Variants in ITPK1 observed in about 807,000 individuals in gnomAD.
ITPK1 encodes the protein inositol-tetrakisphosphate 1-kinase.
Under a neutral mutation model 45.3 loss-of-function variants are expected in ITPK1, and 21 were observed. The ratio of observed to expected loss-of-function variants is 0.46; its 90% CI spans 0.33 to 0.67. The LOEUF is 0.67. ITPK1 is among the 30% of genes least tolerant of loss of function. The probability of loss-of-function intolerance (pLI) is 0.02; values close to 1 mark genes in which losing one functional copy is unlikely to be tolerated. For synonymous variants in ITPK1, 258 were observed against 253.6 expected (o/e 1.02, Z -0.16); for missense variants, 474 against 573.5 (o/e 0.83, Z 1.77).
intron 3 of ITPK1, among the ~76,000 whole-genome samples, chr14:93,021,604 GAAAAGA>G (rs1220856078): frequency 7.5e-6 from 1 of 133,308 alleles, no homozygotes; most frequent in Admixed American, 7.6e-5. Flanking sequence ...AAAAAAAAAA[GAAAAGA>G]AAAAGAAAAA....
At position 92,938,403 on chromosome 14, in the gene ITPK1, C is replaced by T; in HGVS notation, c.*3158G>A. 1 of 1,094,570 alleles carries T rather than the reference C, an allele frequency of 9.1e-7. No individual in the cohort carries two copies. Among genetic ancestry groups the T allele is most frequent in the Non-Finnish European group, 1.4e-6 (1 of 708,566 alleles). 67.8% of individuals were successfully genotyped at this position (1,094,570 alleles called of 1,614,324 possible). ...GCTAGAAGGACAAACGACAGGCTGG[C>T]TCCCTTGGTCTTGGGGTGGCTGTCT... On this transcript the variant is annotated 3_prime_UTR_variant, in exon 11 of 11. Transcript: ENST00000267615.
At chr14:93,028,848 G>A (rs1888888413) in intron 3 of ITPK1, among the ~76,000 whole-genome samples, 1 of 152,230 alleles carries the variant, frequency 6.6e-6, no homozygotes, top group African/African-American at 2.4e-5. Context: ...CCCTCCCATT[G>A]AGAACACTTC....
intron 5 of ITPK1, among the ~76,000 whole-genome samples, chr14:92,988,458 T>C (rs1018682963): frequency 1.3e-5 from 2 of 152,136 alleles, no homozygotes; most frequent in African/African-American, 4.8e-5. Context: ...GGTCCTTCTT[T>C]CCTGCCATGA....
At chr14:93,088,744 G>A (rs900028468) in intron 2 of ITPK1, among the ~76,000 whole-genome samples, 13 of 152,134 alleles carry the variant, frequency 8.5e-5, no homozygotes, top group Middle Eastern at 3.4e-3. Flanking sequence ...CAATCCTCCC[G>A]CCTTGGCCTC....
chr14:93,045,946 C>A (rs575804947), intron 3 of ITPK1, among the ~76,000 whole-genome samples: 2 of 152,198 alleles, frequency 1.3e-5, no homozygotes, highest in Non-Finnish European at 2.9e-5. Context: ...GACTTCCTTT[C>A]CACACTCACA....
chr14:93,093,188 G>C (rs946694272), intron 2 of ITPK1, among the ~76,000 whole-genome samples: 3 of 152,164 alleles, frequency 2.0e-5, no homozygotes, highest in Non-Finnish European at 4.4e-5. Flanking sequence ...CAACCTGTGG[G>C]GCAGACACGA....
At chr14:93,051,390 C>T (rs1402537593) in intron 3 of ITPK1, among the ~76,000 whole-genome samples, 4 of 152,116 alleles carry the variant, frequency 2.6e-5, no homozygotes, top group African/African-American at 4.8e-5. Flanking sequence ...CCAAGGCGGG[C>T]GGATCGCTTG....
chr14:93,087,217 A>T (rs1891686425), intron 2 of ITPK1, among the ~76,000 whole-genome samples: 1 of 152,216 alleles, frequency 6.6e-6, no homozygotes, highest in Admixed American at 6.5e-5. Flanking sequence ...GGCTGTCCAC[A>T]TTCCTTGGCT....
At chr14:93,005,667 G>C (rs1042015887) in intron 4 of ITPK1, among the ~76,000 whole-genome samples, 18 of 152,246 alleles carry the variant, frequency 1.2e-4, no homozygotes, top group Non-Finnish European at 1.5e-4. Flanking sequence ...CTTCTGCAGA[G>C]AGAAACCGGA....
At chr14:92,972,263 A>G (rs991461794) in intron 5 of ITPK1, among the ~76,000 whole-genome samples, 1 of 152,128 alleles carries the variant, frequency 6.6e-6, no homozygotes, top group Non-Finnish European at 1.5e-5. Flanking sequence ...CCCAATCCCC[A>G]TGCCTGAGAA....
In ITPK1 at chr14:92,969,645, A is replaced by C. The variant is rs534990887; in HGVS notation, c.365-6796T>G. 2.0e-5 allele frequency among the ~76,000 whole-genome samples: 3 copies of C among 152,316 alleles called. No homozygotes were observed. The East Asian group carries it at 5.8e-4, about 29-fold the overall frequency. On this transcript the variant is annotated intron_variant, in intron 5 of 10. Coordinates refer to ENST00000267615, the MANE Select transcript of ITPK1 (RefSeq NM_014216.6). The stretch of plus-strand genomic sequence containing the variant: ...GGGGTTCCTCCCTCTCGATCACGAG[A>C]AGCTCGCAGTGGTGGCGCCAGCAGC...
At chr14:93,057,433 C>T (rs1183576644) in intron 3 of ITPK1, among the ~76,000 whole-genome samples, 2 of 152,258 alleles carry the variant, frequency 1.3e-5, no homozygotes, top group Non-Finnish European at 2.9e-5. Context: ...CACTTGCTCA[C>T]TCCTACTCAC....
chr14:93,008,432 G>A lies in ITPK1; in HGVS notation c.246+8244C>T, dbSNP rs116868315. Among the ~76,000 whole-genome samples, 47 of 152,380 alleles carry A rather than the reference G, an allele frequency of 3.1e-4. 1 individual carries two copies. In the East Asian group the frequency reaches 8.9e-3, roughly 29 times the overall value. On this transcript the variant is annotated intron_variant, in intron 4 of 10. Coordinates refer to ENST00000267615, the MANE Select transcript of ITPK1 (RefSeq NM_014216.6). ...CAGTAAGTTCTCACTAAGACTTGCTGAATGAACATAATAGTTACTGATGAA... is the reference window on the plus strand; with the variant it reads ...CAGTAAGTTCTCACTAAGACTTGCTAAATGAACATAATAGTTACTGATGAA...
chr14:92,979,774 T>C (rs1014831182), intron 5 of ITPK1, among the ~76,000 whole-genome samples: 2 of 152,066 alleles, frequency 1.3e-5, no homozygotes, highest in Non-Finnish European at 2.9e-5. Flanking sequence ...CTCTTCATAA[T>C]TTCTTCATAA....
At chr14:93,096,992 G>A (rs747174840) in intron 2 of ITPK1, among the ~76,000 whole-genome samples, 10 of 152,190 alleles carry the variant, frequency 6.6e-5, no homozygotes, top group Non-Finnish European at 1.5e-4. Context: ...TGGGTCGGTA[G>A]AGCTGGGCAC....
At chr14:93,026,840 T>C (rs777312295) in intron 3 of ITPK1, among the ~76,000 whole-genome samples, 4 of 152,124 alleles carry the variant, frequency 2.6e-5, no homozygotes, top group Non-Finnish European at 5.9e-5. Flanking sequence ...TCACTGAGTA[T>C]ACCATGCTAG....
At chr14:93,066,454 G>A (rs1595183785) in intron 3 of ITPK1, 1 of 328,810 alleles carries the variant, frequency 3.0e-6, no homozygotes, top group South Asian at 2.2e-5. Context: ...TCACAGGCTA[G>A]AGTTCAGTGG....
At chr14:93,081,365 A>G (rs898797877) in intron 2 of ITPK1, among the ~76,000 whole-genome samples, 1 of 152,072 alleles carries the variant, frequency 6.6e-6, no homozygotes, top group African/African-American at 2.4e-5. Flanking sequence ...CCTGCGAATA[A>G]TTTTACAGGC....
chr14:93,061,056 C>G (rs1360568695), intron 3 of ITPK1, among the ~76,000 whole-genome samples: 1 of 152,182 alleles, frequency 6.6e-6, no homozygotes. Context: ...CTCCATACCA[C>G]TAGGGAATCA....
Sources: gnomAD v4.1 joint callset for allele counts (sites outside exome capture counted in the v4.1 genomes callset) on GRCh38, gnomAD v4.1.1 for gene constraint, MANE v1.5 for transcripts, NCBI Gene and HGNC (gene_info 2026-07-23, HGNC 2026-07-21) for gene names.